The following FHOD3 variants were observed in gnomAD, a reference collection of about 807,000 sequenced individuals.
The protein encoded by FHOD3 is formin homology 2 domain containing 3.
A neutral mutation model predicts 173.0 loss-of-function variants in FHOD3; 90 were observed. The observed-to-expected ratio is 0.52, with a 90% CI of 0.44 to 0.62. The LOEUF (loss-of-function observed/expected upper bound fraction) is 0.62. FHOD3 is among the 20% of genes least tolerant of loss of function. The probability of loss-of-function intolerance (pLI) is 0.00; values close to 1 mark genes in which losing one functional copy is unlikely to be tolerated. For synonymous variants in FHOD3, 828 were observed against 823.0 expected, an observed-to-expected ratio of 1.01 and a Z score of -0.10; for missense variants, 1,945 against 2,034.7, an observed-to-expected ratio of 0.96 and a Z score of 0.85.
chr18:36,378,342 A>G (rs775443451), intron 3 of FHOD3, among the ~76,000 whole-genome samples: 3 of 152,134 alleles, frequency 2.0e-5, no homozygotes, highest in Non-Finnish European at 4.4e-5. Flanking sequence ...CTAGGTAAGA[A>G]TGAGCTCTGT....
chr18:36,717,767 C>T (rs916876239), intron 18 of FHOD3, 65 bp from the exon 19 acceptor site: 12 of 1,509,852 alleles, frequency 7.9e-6, no homozygotes, highest in South Asian at 1.4e-5. Context: ...TTATTCTCAT[C>T]GATTCTCTCA....
intron 5 of FHOD3, among the ~76,000 whole-genome samples, chr18:36,521,280 C>T (rs2056259558): frequency 2.0e-5 from 3 of 152,138 alleles, no homozygotes; most frequent in African/African-American, 7.2e-5. Flanking sequence ...AGACCTCCAG[C>T]CCTGGCTACT....
At chr18:36,543,087 C>T (rs1009011042) in intron 5 of FHOD3, among the ~76,000 whole-genome samples, 8 of 152,148 alleles carry the variant, frequency 5.3e-5, no homozygotes, top group African/African-American at 7.2e-5. Flanking sequence ...GCTAAGACTG[C>T]AACAATGGGT....
chr18:36,596,060 C>T (rs2030312851), intron 7 of FHOD3, among the ~76,000 whole-genome samples: 1 of 152,154 alleles, frequency 6.6e-6, no homozygotes, highest in Admixed American at 6.5e-5. Flanking sequence ...GCACACTATG[C>T]ATAAACCAGC....
chr18:36,481,020 G>GTTTTTTTTTTTTT (rs35793521), intron 3 of FHOD3, among the ~76,000 whole-genome samples: 1 of 104,476 alleles, frequency 9.6e-6, no homozygotes. Context: ...TTGGGAGGTG[G>GTTTTTTTTTTTTT]TTTTTTTTTT....
chr18:36,317,891 G>A (rs940508282), intron 1 of FHOD3, among the ~76,000 whole-genome samples: 8 of 152,084 alleles, frequency 5.3e-5, no homozygotes, highest in Non-Finnish European at 8.8e-5. Flanking sequence ...TCCATCTTGA[G>A]TTAATTTTTG....
At chr18:36,761,869 G>A (rs924621534) in intron 27 of FHOD3, among the ~76,000 whole-genome samples, 3 of 152,288 alleles carry the variant, frequency 2.0e-5, no homozygotes, top group Non-Finnish European at 4.4e-5. Flanking sequence ...GAGTGTGAAA[G>A]GGGGTGCTAG....
intron 4 of FHOD3, among the ~76,000 whole-genome samples, chr18:36,509,432 AAAAAAAAAAG>A (rs1372300344): frequency 1.1e-4 from 9 of 78,532 alleles, no homozygotes; most frequent in African/African-American, 3.0e-4. Flanking sequence ...ATCTCAAAAA[AAAAAAAAAAG>A]AAAAAAAAAA....
chr18:36,600,348 T>C (rs1354818892), intron 7 of FHOD3, among the ~76,000 whole-genome samples: 1 of 150,094 alleles, frequency 6.7e-6, no homozygotes, highest in Non-Finnish European at 1.5e-5. Flanking sequence ...GGAGAGTGAG[T>C]GGACCCCATA....
In FHOD3 at chr18:36,297,874, C is replaced by T; in HGVS notation, c.39C>T (p.Asp13=). 2 of 1,552,216 alleles carry T rather than the reference C, an allele frequency of 1.3e-6. No homozygotes were observed. Among genetic ancestry groups the T allele is most frequent in the Non-Finnish European group, 1.7e-6 (2 of 1,149,526 alleles). The change falls in exon 1 of 29, where the codon GAC becomes GAT. Residue 13 remains aspartate, a synonymous_variant. Coordinates refer to ENST00000590592, the MANE Select transcript of FHOD3 (RefSeq NM_001281740.3). ...TLACRVQFLD[D]TDPFNSTNFP... is the part of the protein sequence containing the mutation. ...CTTGCCGGGTGCAGTTCTTGGACGA[C>T]ACGGACCCTTTCAACAGCACCAACT...
chr18:36,524,636 C>T (rs1409535302), intron 5 of FHOD3, among the ~76,000 whole-genome samples: 1 of 152,204 alleles, frequency 6.6e-6, no homozygotes, highest in Non-Finnish European at 1.5e-5. Context: ...ACATGGTCCA[C>T]ACAGTTTCCA....
chr18:36,642,015 T>C (rs1159545758), intron 10 of FHOD3, among the ~76,000 whole-genome samples: 2 of 151,968 alleles, frequency 1.3e-5, no homozygotes, highest in African/African-American at 4.8e-5. Flanking sequence ...TTACACTGCT[T>C]TTTTAGTAAA....
chr18:36,532,986 G>T (rs910201974), intron 5 of FHOD3, among the ~76,000 whole-genome samples: 2 of 152,224 alleles, frequency 1.3e-5, no homozygotes, highest in Non-Finnish European at 2.9e-5. Flanking sequence ...TGGCCTGCCT[G>T]CCTGGGCTTC....
In FHOD3 at chr18:36,742,588, G is replaced by A. The variant is rs928525436; in HGVS notation, c.3760-149G>A. 9.3e-6 allele frequency: 8 copies of A among 858,626 alleles called. No individual in the cohort carries two copies. The African/African-American group carries it at 1.2e-4, about 13-fold the overall frequency. The allele number at this position is 858,626 out of a possible 1,614,324, so 53.2% of individuals were successfully genotyped here. On this transcript the variant is annotated intron_variant, in intron 21 of 28. Coordinates refer to ENST00000590592, the MANE Select transcript of FHOD3 (RefSeq NM_001281740.3). ...GGAGTAGAGGCTCTCCCTGCCACAC[G>A]TTTCCATACCTAGGAGCAATGCCCA...
chr18:36,332,579 C>T (rs2045077349), intron 1 of FHOD3, among the ~76,000 whole-genome samples: 1 of 152,242 alleles, frequency 6.6e-6, no homozygotes, highest in Non-Finnish European at 1.5e-5. Context: ...TTCTCTTCAA[C>T]CCAATGCAGG....
At chr18:36,745,805 C>G (rs1265307427) in intron 23 of FHOD3, among the ~76,000 whole-genome samples, 1 of 148,764 alleles carries the variant, frequency 6.7e-6, no homozygotes, top group Non-Finnish European at 1.5e-5. Flanking sequence ...ACCCTCCGCT[C>G]ACTTCCTGCT....
intron 5 of FHOD3, among the ~76,000 whole-genome samples, chr18:36,556,806 C>T (rs1273797121): frequency 2.0e-5 from 3 of 152,142 alleles, no homozygotes; most frequent in Non-Finnish European, 4.4e-5. Context: ...GTTTGTATTT[C>T]TACCTGGCAC....
chr18:36,681,354 T>G (rs1244383966), intron 14 of FHOD3, 82 bp from the exon 15 acceptor site: 1 of 1,544,460 alleles, frequency 6.5e-7, no homozygotes, highest in East Asian at 2.3e-5. Context: ...CCCTCAATTC[T>G]AACCAAGGTC....
At chr18:36,597,764 T>C (rs558122499) in intron 7 of FHOD3, among the ~76,000 whole-genome samples, 64 of 151,490 alleles carry the variant, frequency 4.2e-4, no homozygotes, top group Admixed American at 1.3e-4. Context: ...CTTAAACCTT[T>C]GGCAACTGCT....
Sources: allele counts gnomAD v4.1 joint callset (sites outside exome capture counted in the v4.1 genomes callset), GRCh38; gene constraint gnomAD v4.1.1; transcripts MANE v1.5; gene names NCBI Gene and HGNC (gene_info 2026-07-23, HGNC 2026-07-21).